CBX5: variants seen among roughly 807,000 people sequenced by gnomAD.
CBX5 encodes chromobox 5, also known as chromobox protein homolog 5.
CBX5 carries 7 observed loss-of-function variants against 20.7 expected under a neutral mutation model. The ratio of observed to expected loss-of-function variants is 0.34; its 90% CI spans 0.19 to 0.63. CBX5 has a LOEUF of 0.63. Among genes scored for constraint, CBX5 ranks in the 30% least tolerant of loss-of-function variants. CBX5 has a pLI of 0.75. For synonymous variants in CBX5, 78 were observed against 77.0 expected (o/e 1.01, Z -0.07); for missense variants, 110 against 224.1 (o/e 0.49, Z 3.25).
rs192043463 is a variant in CBX5, at chr12:54,253,174, G to A, written c.138-947C>T. ...ATTGGAGCCAGGCACAGTGGCTAAC[G>A]CCTGTAATCCCAGCACTTTGAGAGG... is the stretch of plus-strand genomic sequence containing the variant. On this transcript the variant is annotated intron_variant, in intron 2 of 4. Transcript: ENST00000209875. Among the ~76,000 whole-genome samples the A allele has an allele frequency of 6.6e-5, 10 of 151,924 alleles. No individual in the cohort carries two copies. The East Asian group carries it at 1.7e-3, about 27-fold the overall frequency.
intron 1 of CBX5, chr12:54,258,278 C>T (rs758464478): frequency 1.3e-5 from 2 of 152,170 alleles, no homozygotes; most frequent in Non-Finnish European, 2.9e-5. Context: ...CATCAGCTCA[C>T]AAAAGCAAGG....
At chr12:54,259,372 T>A (rs898869796) in intron 1 of CBX5, 18 of 152,248 alleles carry the variant, frequency 1.2e-4, no homozygotes, top group African/African-American at 4.1e-4. Context: ...TGGCCTCCCC[T>A]GCCTCACCAG....
intron 1 of CBX5, chr12:54,274,322 T>C (rs1944039177): frequency 6.6e-6 from 1 of 152,196 alleles, no homozygotes; most frequent in Non-Finnish European, 1.5e-5. Flanking sequence ...ATTAGTACAA[T>C]GATCAGTTAA....
chr12:54,232,082 T>A lies in CBX5; in HGVS notation c.*9673A>T, dbSNP rs1943574193. 1.3e-5 allele frequency: 2 copies of A among 152,172 alleles called. No individual in the cohort carries two copies. The highest frequency in any genetic ancestry group is 2.9e-5 in the Non-Finnish European group (2 of 68,042). 9.4% of individuals were successfully genotyped at this position (152,172 alleles called of 1,614,324 possible). A position where few individuals can be genotyped will look rare whatever the true frequency, so the allele number is the denominator to read the frequency against. On this transcript the variant is annotated 3_prime_UTR_variant, in exon 5 of 5. Transcript: ENST00000209875. ...TTAATCCCCAACCTGCAGAGAGAAATACGCAGTAGCATCCCTGCCTCACGA... is the reference window on the plus strand; with the variant it reads ...TTAATCCCCAACCTGCAGAGAGAAAAACGCAGTAGCATCCCTGCCTCACGA...
intron 3 of CBX5, among the ~76,000 whole-genome samples, chr12:54,250,534 G>T (rs1025163934): frequency 6.6e-6 from 1 of 151,964 alleles, no homozygotes; most frequent in African/African-American, 2.4e-5. Flanking sequence ...GGCCGGGCGC[G>T]GTGGCTCACG....
At chr12:54,264,260 A>G (rs1049720626) in intron 1 of CBX5, among the ~76,000 whole-genome samples, 3 of 152,034 alleles carry the variant, frequency 2.0e-5, no homozygotes. Flanking sequence ...GGCTCAAGCA[A>G]TCCTCTCACC....
In CBX5 at chr12:54,236,308, GAA is replaced by G. The variant is rs897865905; in HGVS notation, c.*5445_*5446del. On this transcript the variant is annotated 3_prime_UTR_variant, in exon 5 of 5. Coordinates refer to ENST00000209875, the MANE Select transcript of CBX5 (RefSeq NM_012117.3). ...TGGTCAGTTCATCATACACCAGTATGAAAGTTATTTGAGGGCAGGGATGGCCT... is the reference window on the plus strand; with the variant it reads ...TGGTCAGTTCATCATACACCAGTATGAGTTATTTGAGGGCAGGGATGGCCT... 1 of 151,744 alleles carries G rather than the reference GAA, an allele frequency of 6.6e-6. No individual in the cohort carries two copies. The highest frequency in any genetic ancestry group is 2.4e-5 in the African/African-American group (1 of 41,398). 9.4% of individuals were successfully genotyped at this position (151,744 alleles called of 1,614,324 possible). A position where few individuals can be genotyped will look rare whatever the true frequency, so the allele number is the denominator to read the frequency against.
chr12:54,256,629 A>G (rs1215418606), intron 2 of CBX5, among the ~76,000 whole-genome samples: 1 of 152,208 alleles, frequency 6.6e-6, no homozygotes, highest in Admixed American at 6.5e-5. Context: ...GATGCACTAT[A>G]AAGTATAAAA....
At chr12:54,258,210 T>C (rs1345722580) in intron 1 of CBX5, 1 of 152,310 alleles carries the variant, frequency 6.6e-6, no homozygotes, top group African/African-American at 2.4e-5. Context: ...TTTCACCACA[T>C]TTTCAGTGAC....
chr12:54,269,696 C>A (rs1432660963), intron 1 of CBX5, among the ~76,000 whole-genome samples: 1 of 152,088 alleles, frequency 6.6e-6, no homozygotes, highest in Non-Finnish European at 1.5e-5. Context: ...CTGGGCCTGG[C>A]GTTTTCTTTG....
intron 2 of CBX5, 24 bp from the exon 3 acceptor site, chr12:54,252,251 T>TAA: frequency 1.6e-5 from 16 of 1,023,540 alleles, no homozygotes; most frequent in East Asian, 3.6e-5. Context: ...ATGGGAAAAT[T>TAA]AAAAAAAAAA....
At chr12:54,248,094 C>G (rs143216991) in intron 3 of CBX5, among the ~76,000 whole-genome samples, 1,692 of 152,126 alleles carry the variant, frequency 0.011, 38 homozygotes, top group African/African-American at 0.039. Context: ...CACCCTGCCT[C>G]GGCCTCCCAA....
intron 2 of CBX5, among the ~76,000 whole-genome samples, chr12:54,253,203 T>G (rs1943826230): frequency 6.6e-6 from 1 of 151,800 alleles, no homozygotes; most frequent in African/African-American, 2.4e-5. Context: ...TGAGAGGCAC[T>G]CAGGAGTTCG....
intron 1 of CBX5, among the ~76,000 whole-genome samples, chr12:54,262,269 T>C (rs1487113234): frequency 6.6e-6 from 1 of 152,126 alleles, no homozygotes; most frequent in Non-Finnish European, 1.5e-5. Flanking sequence ...GAAAGAAAAG[T>C]GAATTTAATG....
intron 1 of CBX5, chr12:54,273,764 T>A (rs1944033142): frequency 6.6e-6 from 1 of 152,134 alleles, no homozygotes; most frequent in African/African-American, 2.4e-5. Flanking sequence ...CCTCAATATC[T>A]TGATTGCAGA....
At chr12:54,279,376 T>C (rs538873213) in intron 1 of CBX5, among the ~76,000 whole-genome samples, 17 of 152,214 alleles carry the variant, frequency 1.1e-4, no homozygotes, top group African/African-American at 3.6e-4. Context: ...AGTCGAGGAA[T>C]ACAGGAGCAA....
intron 1 of CBX5, among the ~76,000 whole-genome samples, chr12:54,265,891 A>G (rs530660733): frequency 6.6e-6 from 1 of 152,184 alleles, no homozygotes; most frequent in Admixed American, 6.5e-5. Context: ...TACTAAAAAT[A>G]CAAAAATTAG....
chr12:54,241,951 G>C, intron 4 of CBX5, 46 bp from the exon 5 acceptor site: 1 of 1,577,146 alleles, frequency 6.3e-7, no homozygotes, highest in Non-Finnish European at 8.7e-7. Flanking sequence ...AAGAGTGAAA[G>C]AATCTGTCCA....
At chr12:54,264,029 T>C (rs1943937737) in intron 1 of CBX5, among the ~76,000 whole-genome samples, 1 of 152,124 alleles carries the variant, frequency 6.6e-6, no homozygotes, top group Admixed American at 6.5e-5. Flanking sequence ...GGAGACAGCG[T>C]GAGACTCCGT....
Sources: allele counts gnomAD v4.1 joint callset (sites outside exome capture counted in the v4.1 genomes callset), GRCh38; gene constraint gnomAD v4.1.1; transcripts MANE v1.5; gene names NCBI Gene and HGNC (gene_info 2026-07-23, HGNC 2026-07-21).